PDE1C: variants seen among roughly 807,000 people sequenced by gnomAD.
The protein encoded by PDE1C is phosphodiesterase 1C.
A neutral mutation model predicts 93.1 loss-of-function variants in PDE1C; 62 were observed. The ratio of observed to expected loss-of-function variants is 0.67; its 90% confidence interval spans 0.54 to 0.82. The LOEUF (loss-of-function observed/expected upper bound fraction) is 0.82, where lower values mean the gene tolerates loss of function less well. Among genes scored for constraint, PDE1C ranks in the 40% least tolerant of loss-of-function variants. PDE1C has a pLI of 0.00. For missense variants in PDE1C, 742 were observed against 884.6 expected, an observed-to-expected ratio of 0.84 and a Z score of 2.04; for synonymous variants, 325 against 310.1, an observed-to-expected ratio of 1.05 and a Z score of -0.50.
intron 2 of PDE1C, among the ~76,000 whole-genome samples, chr7:31,926,437 A>T (rs1803389271): frequency 6.6e-6 from 1 of 152,222 alleles, no homozygotes; most frequent in Non-Finnish European, 1.5e-5. Context: ...GTGAACGCAA[A>T]CCTATGAATA....
chr7:32,394,712 G>A (rs919005596), intron 1 of PDE1C, among the ~76,000 whole-genome samples: 4 of 152,222 alleles, frequency 2.6e-5, no homozygotes, highest in Non-Finnish European at 5.9e-5. Context: ...GGAGGTTGAG[G>A]TGGAGGTGGA....
At chr7:32,135,430 T>C (rs942178829) in intron 3 of PDE1C, among the ~76,000 whole-genome samples, 3 of 151,592 alleles carry the variant, frequency 2.0e-5, no homozygotes, top group African/African-American at 4.9e-5. Context: ...AGCAAAAAAA[T>C]GAAACAAACA....
the PDE1C span, among the ~76,000 whole-genome samples, chr7:31,653,845 A>C: frequency 6.6e-6 from 1 of 152,214 alleles, no homozygotes; most frequent in African/African-American, 2.4e-5. Context: ...GATTTAGATC[A>C]ATGTTCAGAC....
At chr7:31,812,602 A>G (rs562684963) in intron 15 of PDE1C, among the ~76,000 whole-genome samples, 1 of 148,750 alleles carries the variant, frequency 6.7e-6, no homozygotes, top group Admixed American at 6.7e-5. Flanking sequence ...AATTTCTATA[A>G]ATAAAGTTTT....
chr7:32,402,032 T>A (rs1041055814), intron 1 of PDE1C, among the ~76,000 whole-genome samples: 34 of 152,294 alleles, frequency 2.2e-4, no homozygotes, highest in South Asian at 8.3e-4. Flanking sequence ...GATCTATTTA[T>A]CCTCATATCT....
chr7:32,217,622 A>G (rs886755352), intron 1 of PDE1C, among the ~76,000 whole-genome samples: 1 of 152,346 alleles, frequency 6.6e-6, no homozygotes, highest in Non-Finnish European at 1.5e-5. Context: ...TTTGTGACAC[A>G]TGACCAAAGC....
At chr7:32,043,224 G>T (rs930829705) in intron 2 of PDE1C, among the ~76,000 whole-genome samples, 1 of 152,156 alleles carries the variant, frequency 6.6e-6, no homozygotes, top group Non-Finnish European at 1.5e-5. Context: ...TTGGACCAGT[G>T]TCTCCAGGGA....
chr7:31,639,544 T>TTG, the PDE1C span, among the ~76,000 whole-genome samples: 1,915 of 135,154 alleles, frequency 0.014, 42 homozygotes, highest in African/African-American at 0.044. Flanking sequence ...TTTTGTTTTT[T>TTG]TTTTTTTTTT....
At chr7:32,299,280 A>G in exon 1 of PDE1C, 1 of 986,822 alleles carries the variant, frequency 1.0e-6, no homozygotes, top group Non-Finnish European at 1.2e-6. Context: ...TGGAAAGGCA[A>G]ACCCCTCAGC....
intron 3 of PDE1C, among the ~76,000 whole-genome samples, chr7:32,109,465 G>A (rs564695208): frequency 1.3e-5 from 2 of 152,258 alleles, no homozygotes; most frequent in South Asian, 4.2e-4. Flanking sequence ...CAGCACTACT[G>A]ATGTTTTAAA....
At chr7:32,270,215 T>C (rs1354437429) in intron 1 of PDE1C, among the ~76,000 whole-genome samples, 1 of 152,080 alleles carries the variant, frequency 6.6e-6, no homozygotes, top group Non-Finnish European at 1.5e-5. Flanking sequence ...CCGACAGTAT[T>C]TCTCTCTAGG....
At position 32,137,096 on chromosome 7, in the gene PDE1C, A is replaced by G. The variant is rs977289919; in HGVS notation, c.308+32689T>C. The stretch of plus-strand genomic sequence containing the variant: ...TCCCTGTATGTAGTTATCCAGATGG[A>G]GCATAAGACTATCATAGTGTTTTTA... On this transcript the variant is annotated intron_variant, in intron 3 of 18. Transcript: ENST00000396193. Among the ~76,000 whole-genome samples the G allele has an allele frequency of 7.9e-5, 12 of 152,200 alleles. No homozygotes were observed. The South Asian group carries it at 1.0e-3, about 13-fold the overall frequency.
At chr7:32,227,040 G>A (rs1008313045) in intron 1 of PDE1C, among the ~76,000 whole-genome samples, 3 of 152,028 alleles carry the variant, frequency 2.0e-5, no homozygotes, top group Non-Finnish European at 2.9e-5. Flanking sequence ...TTCCCCAAAC[G>A]CACCTTCTGA....
chr7:31,658,153 G>A, the PDE1C span: 1 of 808,418 alleles, frequency 1.2e-6, no homozygotes, highest in Non-Finnish European at 1.8e-6. Flanking sequence ...CTGAACCACA[G>A]TGTATGCATA....
chr7:31,801,034 C>T (rs1785946775), intron 16 of PDE1C, among the ~76,000 whole-genome samples: 1 of 150,092 alleles, frequency 6.7e-6, no homozygotes, highest in African/African-American at 2.4e-5. Flanking sequence ...TAAATGCCTA[C>T]ATTAAAAAAG....
At chr7:31,859,236 G>A (rs1489698806) in intron 7 of PDE1C, among the ~76,000 whole-genome samples, 1 of 149,360 alleles carries the variant, frequency 6.7e-6, no homozygotes, top group East Asian at 1.9e-4. Flanking sequence ...TATACATATA[G>A]AGAGAGTGAG....
chr7:31,979,401 A>G (rs963580533), intron 2 of PDE1C, among the ~76,000 whole-genome samples: 12 of 152,232 alleles, frequency 7.9e-5, no homozygotes, highest in African/African-American at 2.9e-4. Context: ...TCAAGTAAAT[A>G]CATAGTCATT....
chr7:32,332,821 C>A (rs926219904), intron 1 of PDE1C, among the ~76,000 whole-genome samples: 3 of 152,060 alleles, frequency 2.0e-5, no homozygotes, highest in African/African-American at 7.2e-5. Context: ...ACAGTAAGCT[C>A]AAAAACAGGC....
chr7:31,903,505 T>C (rs557491402), intron 2 of PDE1C, among the ~76,000 whole-genome samples: 5 of 152,224 alleles, frequency 3.3e-5, no homozygotes, highest in Admixed American at 3.3e-4. Flanking sequence ...ATCAGTACCC[T>C]GGTGAATTGT....
Sources: gnomAD v4.1 joint callset for allele counts (sites outside exome capture counted in the v4.1 genomes callset) on GRCh38, gnomAD v4.1.1 for gene constraint, MANE v1.5 for transcripts, NCBI Gene and HGNC (gene_info 2026-07-23, HGNC 2026-07-21) for gene names.